Variants in HERC1 observed in about 807,000 individuals in gnomAD.
HERC1 encodes the protein probable E3 ubiquitin-protein ligase HERC1.
HERC1 carries 160 observed loss-of-function variants against 554.3 expected under a neutral mutation model. The ratio of observed to expected loss-of-function variants is 0.29; its 90% CI spans 0.25 to 0.33. The LOEUF (loss-of-function observed/expected upper bound fraction) is 0.33, where lower values mean the gene tolerates loss of function less well. HERC1 is among the 10% of genes least tolerant of loss of function. The pLI, the probability that HERC1 is intolerant of heterozygous loss-of-function variation, is 1.00. For synonymous variants in HERC1, 2,175 were observed against 2,131.7 expected, an observed-to-expected ratio of 1.02 and a Z score of -0.56; for missense variants, 4,919 against 5,918.5, an observed-to-expected ratio of 0.83 and a Z score of 5.54.
chr15:63,646,341 G>A (rs1014519074), intron 55 of HERC1, among the ~76,000 whole-genome samples: 1 of 152,086 alleles, frequency 6.6e-6, no homozygotes, highest in Non-Finnish European at 1.5e-5. Flanking sequence ...ATAATTCACT[G>A]TTTTAGCTTT....
At chr15:63,742,581 T>C (rs952396192) in intron 12 of HERC1, among the ~76,000 whole-genome samples, 1 of 152,198 alleles carries the variant, frequency 6.6e-6, no homozygotes, top group African/African-American at 2.4e-5. Context: ...TCTTTCTCCA[T>C]TGAATATGAT....
intron 36 of HERC1, 85 bp from the exon 37 acceptor site, chr15:63,678,450 G>A: frequency 1.4e-6 from 2 of 1,425,378 alleles, no homozygotes; most frequent in Non-Finnish European, 1.8e-6. Context: ...AGAATCCCAT[G>A]TTGAACTAGT....
intron 21 of HERC1, 42 bp from the exon 22 acceptor site, chr15:63,716,515 C>A: frequency 6.7e-7 from 1 of 1,482,310 alleles, no homozygotes; most frequent in Non-Finnish European, 9.1e-7. Context: ...ACATTTTTTC[C>A]AAAATCTTTT....
intron 33 of HERC1, 121 bp downstream of exon 33, chr15:63,689,468 C>T (rs1051109527): frequency 3.4e-6 from 2 of 584,376 alleles, no homozygotes; most frequent in African/African-American, 1.9e-5. Flanking sequence ...AGACAGAATG[C>T]CAAGAGAGGA....
intron 34 of HERC1, among the ~76,000 whole-genome samples, chr15:63,681,358 T>A (rs2071468955): frequency 6.6e-6 from 1 of 152,138 alleles, no homozygotes. Context: ...TACACCATCA[T>A]GCCTGGCTAG....
At chr15:63,729,917 G>A (rs932738335) in intron 14 of HERC1, among the ~76,000 whole-genome samples, 5 of 151,130 alleles carry the variant, frequency 3.3e-5, no homozygotes, top group Admixed American at 2.6e-4. Flanking sequence ...CCCAGCTACC[G>A]GGGAGGCTGA....
chr15:63,658,644 G>A lies in HERC1; in HGVS notation c.9499C>T (p.Pro3167Ser). 2 of 1,613,894 alleles carry A rather than the reference G, an allele frequency of 1.2e-6. No individual in the cohort carries two copies. The highest frequency in any genetic ancestry group is 1.7e-6 in the Non-Finnish European group (2 of 1,179,790). The change falls in exon 48 of 78, where the codon CCT (proline) becomes TCT (serine). Residue 3167 changes from proline to serine, a missense_variant. Pro to Ser is a moderately conservative substitution (Grantham distance 74). Transcript: ENST00000443617. ...CTTAAAGCCACCACACGGTCATGAGGGTTTGCTAGGGCAGCTGCCTGCTCT... is the reference window on the plus strand; with the variant it reads ...CTTAAAGCCACCACACGGTCATGAGAGTTTGCTAGGGCAGCTGCCTGCTCT... Reference protein sequence around the residue: ...LGEQAAALANPHDRVVALRRV... With the variant: ...LGEQAAALANSHDRVVALRRV...
chr15:63,675,143 G>C (rs753527323), intron 37 of HERC1, 26 bp from the exon 38 acceptor site: 4 of 1,543,238 alleles, frequency 2.6e-6, no homozygotes, highest in Non-Finnish European at 3.5e-6. Context: ...GAATGACACA[G>C]GAAGAAGCAA....
intron 1 of HERC1, among the ~76,000 whole-genome samples, chr15:63,804,564 C>A (rs1299006930): frequency 4.8e-5 from 7 of 145,782 alleles, no homozygotes; most frequent in African/African-American, 1.8e-4. Context: ...CCAGCCTGGG[C>A]AACAAGAGCA....
chr15:63,637,148 G>T, intron 64 of HERC1: 1 of 460,132 alleles, frequency 2.2e-6, no homozygotes, highest in Non-Finnish European at 4.4e-6. Context: ...TAGCACATTT[G>T]CAGATTTCCA....
At chr15:63,720,192 C>G (rs1856641570) in intron 19 of HERC1, among the ~76,000 whole-genome samples, 1 of 144,434 alleles carries the variant, frequency 6.9e-6, no homozygotes, top group South Asian at 2.2e-4. Flanking sequence ...CAGTCTCAAA[C>G]CCCTGGGCTC....
Position 63,760,230 on chromosome 15 carries a change from C to CA in HERC1, c.1027-1862dup, listed in dbSNP as rs1173738698. On this transcript the variant is annotated intron_variant, in intron 3 of 77. Coordinates refer to ENST00000443617, the MANE Select transcript of HERC1 (RefSeq NM_003922.4). ...AACGACTTTTTTTTAACATTACACA[C>CA]AAAAAAAAACAGAGGGAGGGAGTCT... Among the ~76,000 whole-genome samples, 958 of 147,570 alleles carry CA rather than the reference C, an allele frequency of 6.5e-3. 13 individuals are homozygous for CA. The highest frequency in any genetic ancestry group is 0.022 in the African/African-American group (890 of 40,326).
intron 58 of HERC1, 97 bp downstream of exon 58, chr15:63,643,307 T>C: frequency 4.7e-6 from 5 of 1,067,744 alleles, no homozygotes; most frequent in Non-Finnish European, 2.7e-6. Context: ...AAGAGATTAC[T>C]ATATAAAATG....
Position 63,658,677 on chromosome 15 carries a change from T to C in HERC1, c.9466A>G (p.Thr3156Ala). The C allele has an allele frequency of 6.2e-7, 1 of 1,613,746 alleles. No homozygotes were observed. The highest frequency in any genetic ancestry group is 8.5e-7 in the Non-Finnish European group (1 of 1,179,668). Residue 3156 changes from threonine (T) to alanine (A), a missense_variant, in exon 48 of 78, where the codon ACG (threonine) becomes GCG (alanine). Coordinates refer to ENST00000443617, the MANE Select transcript of HERC1 (RefSeq NM_003922.4). The stretch of plus-strand genomic sequence containing the variant: ...AGGGCAGCTGCCTGCTCTCCTAACG[T>C]TATTCTCCCAGAGGAGCTCTTTTCT... Reference protein sequence around the residue: ...SVEKSSSGRITLGEQAAALAN... With the variant: ...SVEKSSSGRIALGEQAAALAN...
intron 12 of HERC1, 51 bp downstream of exon 12, chr15:63,746,867 T>G (rs1280660811): frequency 1.4e-6 from 2 of 1,473,698 alleles, no homozygotes; most frequent in Non-Finnish European, 1.9e-6. Context: ...AGCTAAAATC[T>G]CAGAGAAAGA....
chr15:63,667,474 T>C (rs1595928049), intron 40 of HERC1, among the ~76,000 whole-genome samples: 2 of 150,734 alleles, frequency 1.3e-5, no homozygotes, highest in East Asian at 3.9e-4. Context: ...AATAGAAAAA[T>C]ACACTGGACA....
chr15:63,706,715 C>CTTTT, intron 25 of HERC1, 65 bp downstream of exon 25: 1 of 684,972 alleles, frequency 1.5e-6, no homozygotes, highest in South Asian at 2.8e-5. Flanking sequence ...TTACTATGCT[C>CTTTT]TTTTTTTTTT....
rs1315166325 is a variant in HERC1 at position 63,756,856 on chromosome 15, G to A, written c.1222-108C>T. 11 of 661,936 alleles carry A rather than the reference G, an allele frequency of 1.7e-5. No individual in the cohort carries two copies. Among genetic ancestry groups the A allele is most frequent in the African/African-American group, 7.3e-5 (4 of 55,128 alleles). 41.0% of individuals were successfully genotyped at this position (661,936 alleles called of 1,614,324 possible). A position where few individuals can be genotyped will look rare whatever the true frequency, so the allele number is the denominator to read the frequency against. The stretch of plus-strand genomic sequence containing the variant: ...CAAAGGAAGTCTTTTAGCAGGATAC[G>A]GCATGATTCTCCAGAGAGATTAAGG... On this transcript the variant is annotated intron_variant, in intron 4 of 77. Coordinates refer to ENST00000443617, the MANE Select transcript of HERC1 (RefSeq NM_003922.4). The surrounding 1 kb of genome is among the most constrained non-coding windows in gnomAD (Gnocchi z 5.0).
Position 63,630,657 on chromosome 15 carries a change from CAT to C in HERC1, c.12797-24_12797-23del, listed in dbSNP as rs372560582. 1.0e-4 allele frequency: 167 copies of C among 1,604,108 alleles called. No homozygotes were observed. The African/African-American group carries it at 1.7e-3, about 17-fold the overall frequency. On this transcript the variant is annotated intron_variant, in intron 68 of 77. Transcript: ENST00000443617. ...CGATCTGAAAAAAACAAAACAAAAA[CAT>C]GTGGAAATGTTATGCACCACACAAC...
Sources: allele counts gnomAD v4.1 joint callset (sites outside exome capture counted in the v4.1 genomes callset), GRCh38; gene constraint gnomAD v4.1.1; non-coding constraint Gnocchi (gnomAD v3.1); transcripts MANE v1.5; gene names NCBI Gene and HGNC (gene_info 2026-07-23, HGNC 2026-07-21).